The following AKAP6 variants were observed in gnomAD, a reference collection of about 807,000 sequenced individuals.
AKAP6 encodes the protein A-kinase anchoring protein 6, also known as A-kinase anchor protein 6.
A neutral mutation model predicts 188.5 loss-of-function variants in AKAP6; 58 were observed. The ratio of observed to expected loss-of-function variants is 0.31; its 90% CI spans 0.25 to 0.38. AKAP6 has a LOEUF of 0.38. Among genes scored for constraint, AKAP6 ranks in the 10% least tolerant of loss-of-function variants. AKAP6 has a pLI of 1.00. For missense variants in AKAP6, 2,710 were observed against 2,740.0 expected (o/e 0.99, Z 0.24); for synonymous variants, 989 against 998.6 (o/e 0.99, Z 0.18).
chr14:32,626,834 A>G (rs766308309), intron 7 of AKAP6, among the ~76,000 whole-genome samples: 1 of 152,160 alleles, frequency 6.6e-6, no homozygotes, highest in Non-Finnish European at 1.5e-5. Flanking sequence ...TCACTAGATT[A>G]TAAGCTCCTT....
chr14:32,676,912 C>G (rs1226562101), intron 7 of AKAP6, among the ~76,000 whole-genome samples: 1 of 152,168 alleles, frequency 6.6e-6, no homozygotes, highest in Non-Finnish European at 1.5e-5. Context: ...TGGCTCACTG[C>G]AACTTCCTTC....
chr14:32,709,329 T>C (rs1424754287), intron 9 of AKAP6, among the ~76,000 whole-genome samples: 1 of 151,028 alleles, frequency 6.6e-6, no homozygotes, highest in African/African-American at 2.4e-5. Flanking sequence ...TTTTTTTTAA[T>C]CTGAAGTGAA....
Position 32,405,184 on chromosome 14 carries a change from G to T in AKAP6, c.-34-28276G>T, listed in dbSNP as rs373593076. 5.9e-5 allele frequency among the ~76,000 whole-genome samples: 9 copies of T among 152,066 alleles called. No homozygotes were observed. In the East Asian group the frequency reaches 1.4e-3, roughly 23 times the overall value. The stretch of plus-strand genomic sequence containing the variant: ...AGAGCTTGCAGCAAATGCCATTCTG[G>T]GATCATTTTGTACCATACTTTATTC... On this transcript the variant is annotated intron_variant, in intron 1 of 13. Transcript: ENST00000280979.
chr14:32,792,525 C>T (rs961249829), intron 12 of AKAP6, among the ~76,000 whole-genome samples: 3 of 152,188 alleles, frequency 2.0e-5, no homozygotes, highest in South Asian at 4.1e-4. Context: ...TGGGCTGAGA[C>T]GATGGGGTTT....
At chr14:32,509,952 A>C (rs2139014955) in intron 2 of AKAP6, among the ~76,000 whole-genome samples, 1 of 152,250 alleles carries the variant, frequency 6.6e-6, no homozygotes, top group Admixed American at 6.5e-5. Flanking sequence ...TCATTCCATA[A>C]GCCCTAGCTG....
intron 1 of AKAP6, among the ~76,000 whole-genome samples, chr14:32,404,455 T>C (rs1889207469): frequency 6.6e-6 from 1 of 151,006 alleles, no homozygotes; most frequent in African/African-American, 2.4e-5. Flanking sequence ...AGGGAGGGTG[T>C]TTTTTAGAAG....
At chr14:32,797,920 G>T (rs2033820440) in intron 12 of AKAP6, among the ~76,000 whole-genome samples, 1 of 116,734 alleles carries the variant, frequency 8.6e-6, no homozygotes, top group Non-Finnish European at 1.7e-5. Flanking sequence ...AAATGCTTCT[G>T]CACAGAAAAA....
At chr14:32,627,382 A>G (rs1052662612) in intron 7 of AKAP6, among the ~76,000 whole-genome samples, 3 of 152,068 alleles carry the variant, frequency 2.0e-5, no homozygotes, top group African/African-American at 4.8e-5. Context: ...TAATCAATAT[A>G]TGGTATTATT....
At chr14:32,651,173 C>A (rs1161110979) in intron 7 of AKAP6, among the ~76,000 whole-genome samples, 2 of 152,152 alleles carry the variant, frequency 1.3e-5, no homozygotes, top group African/African-American at 4.8e-5. Context: ...TGGCTCCCAC[C>A]TTGGGTACCC....
rs762901453 is a variant in AKAP6 at position 32,836,976 on chromosome 14, A to C, written c.*7171A>C. 3.3e-5 allele frequency: 5 copies of C among 152,210 alleles called. No homozygotes were observed. Among genetic ancestry groups the C allele is most frequent in the Non-Finnish European group, 5.9e-5 (4 of 68,044 alleles). 9.4% of individuals were successfully genotyped at this position (152,210 alleles called of 1,614,324 possible). A position where few individuals can be genotyped will look rare whatever the true frequency, so the allele number is the denominator to read the frequency against. ...ATAGCCAGTCCTGATGACTTGGTCG[A>C]GGTAACTTGCTTTGCCCACTGTTAA... On this transcript the variant is annotated 3_prime_UTR_variant, in exon 14 of 14. Coordinates refer to ENST00000280979, the MANE Select transcript of AKAP6 (RefSeq NM_004274.5).
At chr14:32,731,282 A>G (rs1345500921) in intron 9 of AKAP6, among the ~76,000 whole-genome samples, 1 of 152,160 alleles carries the variant, frequency 6.6e-6, no homozygotes, top group Non-Finnish European at 1.5e-5. Flanking sequence ...CAGTGATTTC[A>G]TACCTTCTTT....
intron 2 of AKAP6, among the ~76,000 whole-genome samples, chr14:32,490,453 C>T (rs942604188): frequency 4.6e-5 from 7 of 152,026 alleles, no homozygotes; most frequent in Non-Finnish European, 8.8e-5. Flanking sequence ...TGAATCAATC[C>T]AACGTGGATA....
intron 3 of AKAP6, among the ~76,000 whole-genome samples, chr14:32,542,457 A>G (rs1883001041): frequency 6.6e-6 from 1 of 152,224 alleles, no homozygotes. Flanking sequence ...CAAATTGATC[A>G]GATAATCACA....
intron 4 of AKAP6, among the ~76,000 whole-genome samples, chr14:32,551,836 T>A (rs1169633453): frequency 1.0e-5 from 1 of 98,370 alleles, no homozygotes; most frequent in Non-Finnish European, 1.7e-5. Context: ...ATTTTTTGTA[T>A]TTTTTTTTTT....
At chr14:32,752,948 T>C (rs542737082) in intron 11 of AKAP6, among the ~76,000 whole-genome samples, 1 of 152,312 alleles carries the variant, frequency 6.6e-6, no homozygotes, top group South Asian at 2.1e-4. Flanking sequence ...CCACATTTTC[T>C]ATATCCATTG....
chr14:32,456,637 C>G (rs1469290525), intron 2 of AKAP6, among the ~76,000 whole-genome samples: 1 of 152,164 alleles, frequency 6.6e-6, no homozygotes, highest in African/African-American at 2.4e-5. Context: ...AATGGTTTGT[C>G]AAATGGCTGG....
intron 11 of AKAP6, among the ~76,000 whole-genome samples, chr14:32,748,616 G>A (rs138248265): frequency 6.4e-4 from 98 of 152,218 alleles, no homozygotes; most frequent in African/African-American, 2.1e-3. Flanking sequence ...TCTATTAATT[G>A]GATCATTGAC....
At chr14:32,684,064 G>A (rs968571982) in intron 8 of AKAP6, among the ~76,000 whole-genome samples, 1 of 152,140 alleles carries the variant, frequency 6.6e-6, no homozygotes, top group African/African-American at 2.4e-5. Flanking sequence ...AGAATAACAG[G>A]GAGGAAAAGC....
intron 1 of AKAP6, among the ~76,000 whole-genome samples, chr14:32,381,657 A>G (rs1030786107): frequency 2.6e-5 from 4 of 152,150 alleles, no homozygotes; most frequent in African/African-American, 9.7e-5. Context: ...AAAGAATGGG[A>G]GGAAGAGAAG....
Sources: gnomAD v4.1 joint callset for allele counts (sites outside exome capture counted in the v4.1 genomes callset) on GRCh38, gnomAD v4.1.1 for gene constraint, MANE v1.5 for transcripts, NCBI Gene and HGNC (gene_info 2026-07-23, HGNC 2026-07-21) for gene names.